PES1: variants seen among roughly 807,000 people sequenced by gnomAD.
PES1 encodes pescadillo homolog.
A neutral mutation model predicts 77.1 loss-of-function variants in PES1; 31 were observed. That is an observed-to-expected ratio of 0.40 (90% CI 0.30 to 0.54). PES1 has a LOEUF of 0.54. Among genes scored for constraint, PES1 ranks in the 20% least tolerant of loss-of-function variants. The probability of loss-of-function intolerance (pLI) is 0.45; values close to 1 mark genes in which losing one functional copy is unlikely to be tolerated. For synonymous variants in PES1, 282 were observed against 303.0 expected (o/e 0.93, Z 0.72); for missense variants, 658 against 771.7 (o/e 0.85, Z 1.75).
At chr22:30,592,309 T>C, upstream of PES1, 2 of 991,950 alleles carry the variant, frequency 2.0e-6, no homozygotes, top group Non-Finnish European at 2.4e-6. Flanking sequence ...CGGCTGCCGC[T>C]GCTGAGAAGC....
intron 2 of PES1, chr22:30,605,380 G>T (rs994893850): frequency 1.7e-5 from 14 of 823,172 alleles, no homozygotes; most frequent in South Asian, 1.7e-4. Flanking sequence ...AGGCAGGGGG[G>T]TGTCTCCCTC....
At chr22:30,582,892 C>T (rs759498104) in intron 6 of PES1, among the ~76,000 whole-genome samples, 1 of 152,240 alleles carries the variant, frequency 6.6e-6, no homozygotes, top group African/African-American at 2.4e-5. Flanking sequence ...CAGCTATGAA[C>T]CCAACCCTGG....
chr22:30,601,709 T>C (rs1193487962), intron 2 of PES1: 1 of 152,206 alleles, frequency 6.6e-6, no homozygotes, highest in Non-Finnish European at 1.5e-5. Context: ...GCAATTTGTT[T>C]ATGCATTCAT....
intron 3 of PES1, 139 bp from the exon 4 acceptor site, chr22:30,587,534 C>G (rs942761032): frequency 7.7e-6 from 5 of 650,986 alleles, no homozygotes; most frequent in Non-Finnish European, 1.3e-5. Context: ...GTGTCACTGA[C>G]CCCTCTGCCC....
Position 30,588,188 on chromosome 22 carries a change from GC to G in PES1, c.105-15del. The G allele has an allele frequency of 6.2e-7, 1 of 1,614,120 alleles. No homozygotes were observed. Among genetic ancestry groups the G allele is most frequent in the Non-Finnish European group, 8.5e-7 (1 of 1,180,012 alleles). On this transcript the variant is annotated splice_polypyrimidine_tract_variant and intron_variant, in intron 2 of 14. Coordinates refer to ENST00000354694, the MANE Select transcript of PES1 (RefSeq NM_014303.4). ...ATGCACAGCCGCCTGGAAGACAGAG[GC>G]CATCTGTTATGTCAGTTATGTGGGT...
intron 2 of PES1, among the ~76,000 whole-genome samples, chr22:30,598,919 T>G (rs11089464): frequency 9.7e-6 from 1 of 103,432 alleles, no homozygotes; most frequent in Non-Finnish European, 1.9e-5. Context: ...TTTTTTGAGA[T>G]GGAGTCCTGC....
intron 11 of PES1, 26 bp downstream of exon 11, chr22:30,580,027 C>G (rs1294586420): frequency 1.9e-5 from 30 of 1,612,240 alleles, no homozygotes; most frequent in Admixed American, 5.0e-5. Context: ...ACCCAGAAAT[C>G]CGGACGAGGA....
At chr22:30,595,619 G>A (rs534608181), upstream of PES1, among the ~76,000 whole-genome samples, 1 of 152,022 alleles carries the variant, frequency 6.6e-6, no homozygotes, top group African/African-American at 2.4e-5. Flanking sequence ...GACCCTGGAG[G>A]GAACCTTCCC....
intron 1 of PES1, chr22:30,606,677 A>AC (rs2087450615): frequency 1.8e-4 from 4 of 22,628 alleles, no homozygotes; most frequent in Admixed American, 4.2e-4. Context: ...TCAATTGCCC[A>AC]ACTCCCCCCC....
chr22:30,580,419 T>C lies in PES1; in HGVS notation c.1043+152A>G, dbSNP rs996068280. The C allele has an allele frequency of 4.5e-6, 5 of 1,115,900 alleles. No individual in the cohort carries two copies. In the Admixed American group the frequency reaches 8.6e-5, roughly 19 times the overall value. 69.1% of individuals were successfully genotyped at this position (1,115,900 alleles called of 1,614,324 possible). On this transcript the variant is annotated intron_variant, in intron 10 of 14. Transcript: ENST00000354694. ...TCCGCCCTCTGCTGAGCACTTCCTA[T>C]GTGCTCAGTGCGGTGCCGAGCACTT...
intron 4 of PES1, among the ~76,000 whole-genome samples, chr22:30,586,692 G>A (rs937546586): frequency 2.0e-5 from 3 of 152,172 alleles, no homozygotes; most frequent in Admixed American, 6.5e-5. Flanking sequence ...GGCTGAGTGC[G>A]GTGACTCACA....
At position 30,580,151 on chromosome 22, in the gene PES1, G is replaced by C; in HGVS notation, c.1071C>G (p.Asp357Glu). ...IRSFGGEVSW[D>E]KSLCIGATYD... is the part of the protein sequence containing the mutation. The stretch of plus-strand genomic sequence containing the variant: ...AGGTGGCCCCAATGCACAAAGATTT[G>C]TCCCAGGACACTTCCCCACCAAAAC... Residue 357 changes from aspartate (D) to glutamate (E), a missense_variant, in exon 11 of 15, where the codon GAC becomes GAG. By Grantham distance (45) the Asp-to-Glu change is conservative. Coordinates refer to ENST00000354694, the MANE Select transcript of PES1 (RefSeq NM_014303.4). 2 of 1,613,854 alleles carry C rather than the reference G, an allele frequency of 1.2e-6. No homozygotes were observed. Among genetic ancestry groups the C allele is most frequent in the Non-Finnish European group, 1.7e-6 (2 of 1,179,886 alleles).
intron 2 of PES1, among the ~76,000 whole-genome samples, chr22:30,600,512 G>A (rs1156317419): frequency 1.3e-5 from 2 of 151,108 alleles, no homozygotes; most frequent in East Asian, 3.9e-4. Context: ...GCGAGGTCCT[G>A]TCTCTATTAA....
intron 1 of PES1, among the ~76,000 whole-genome samples, chr22:30,591,172 C>G (rs1160950736): frequency 6.6e-6 from 1 of 152,188 alleles, no homozygotes; most frequent in Non-Finnish European, 1.5e-5. Context: ...TCCTACTGCA[C>G]TTAGAATAAA....
intron 6 of PES1, among the ~76,000 whole-genome samples, chr22:30,582,283 T>C (rs887861043): frequency 1.3e-5 from 2 of 152,186 alleles, no homozygotes; most frequent in Non-Finnish European, 2.9e-5. Flanking sequence ...ACACTCAGAA[T>C]TGAGTGACTC....
chr22:30,594,815 A>T (rs988125354), upstream of PES1, among the ~76,000 whole-genome samples: 3 of 152,254 alleles, frequency 2.0e-5, no homozygotes, highest in Admixed American at 2.0e-4. Context: ...ACAAAAGGAA[A>T]ACTTATTTTT....
chr22:30,580,725 C>T lies in PES1; in HGVS notation c.913-24G>A, dbSNP rs756177566. Reference sequence around the variant, plus strand: ...TCCTGTTGAGAAAGGGGCCAGGCCTCGCACCACCAGGGCTGCCCACCCCCA... The same window carrying T: ...TCCTGTTGAGAAAGGGGCCAGGCCTTGCACCACCAGGGCTGCCCACCCCCA... On this transcript the variant is annotated intron_variant, in intron 9 of 14. Coordinates refer to ENST00000354694, the MANE Select transcript of PES1 (RefSeq NM_014303.4). The T allele has an allele frequency of 2.1e-5, 34 of 1,611,924 alleles. 1 individual carries two copies. The highest frequency in any genetic ancestry group is 3.3e-5 in the South Asian group (3 of 91,064).
upstream of PES1, among the ~76,000 whole-genome samples, chr22:30,594,453 G>A (rs1473252633): frequency 6.6e-6 from 1 of 152,112 alleles, no homozygotes; most frequent in Non-Finnish European, 1.5e-5. Context: ...CTGGGAGGCA[G>A]AGGTTGCAAT....
chr22:30,591,814 T>A lies in PES1; in HGVS notation c.20A>T (p.Lys7Met), dbSNP rs1172675429. 6.4e-7 allele frequency: 1 copy of A among 1,564,422 alleles called. No homozygotes were observed. Among genetic ancestry groups the A allele is most frequent in the South Asian group, 1.2e-5 (1 of 84,902 alleles). The change falls in exon 1 of 15, where the codon AAG (lysine) becomes ATG (methionine). Residue 7 changes from lysine (K) to methionine (M), a missense_variant. Transcript: ENST00000354694. MGGLEK[K>M]KYERGSATNY... ...CCCACCGTCTTTCCCAATCACCTTC[T>A]TCTTCTCAAGGCCTCCCATCGCTCC...
Sources: gnomAD v4.1 joint callset for allele counts (sites outside exome capture counted in the v4.1 genomes callset) on GRCh38, gnomAD v4.1.1 for gene constraint, MANE v1.5 for transcripts, NCBI Gene and HGNC (gene_info 2026-07-23, HGNC 2026-07-21) for gene names.